Variants in RNF216 observed in about 807,000 individuals in gnomAD.
RNF216 encodes the protein E3 ubiquitin-protein ligase RNF216.
In RNF216, 72 loss-of-function variants were observed where a neutral mutation model predicts 110.8. The ratio of observed to expected loss-of-function variants is 0.65; its 90% CI spans 0.54 to 0.79. RNF216 has a LOEUF of 0.79. RNF216 is among the 30% of genes least tolerant of loss of function. The probability of loss-of-function intolerance (pLI) is 0.00; values close to 1 mark genes in which losing one functional copy is unlikely to be tolerated. For missense variants in RNF216, 1,342 were observed against 1,141.2 expected (o/e 1.18, Z -2.54); for synonymous variants, 495 against 407.5 (o/e 1.21, Z -2.59).
At position 5,622,005 on chromosome 7, in the gene RNF216, C is replaced by T. The variant is rs852437; in HGVS notation, c.*855G>A. The T allele has an allele frequency of 0.021, 3,162 of 152,352 alleles. 45 individuals are homozygous for T. The highest frequency in any genetic ancestry group is 0.037 in the South Asian group (178 of 4,826). 9.4% of individuals were successfully genotyped at this position (152,352 alleles called of 1,614,324 possible). ...TCTCCCTAAGGAGGCCCACTCCTCC[C>T]CCAGAAAGCCAGGGGGGAAAAGCTG... is the stretch of plus-strand genomic sequence containing the variant. On this transcript the variant is annotated 3_prime_UTR_variant, in exon 17 of 17. Coordinates refer to ENST00000389902, the MANE Select transcript of RNF216 (RefSeq NM_207111.4).
At chr7:5,639,809 G>C (rs751197629) in intron 15 of RNF216, among the ~76,000 whole-genome samples, 8 of 151,416 alleles carry the variant, frequency 5.3e-5, no homozygotes, top group Non-Finnish European at 2.9e-5. Flanking sequence ...GCCCAGGCTG[G>C]AGTGCAGTGG....
intron 7 of RNF216, 30 bp from the exon 8 acceptor site, chr7:5,725,468 C>T (rs1164443094): frequency 7.8e-7 from 1 of 1,279,042 alleles, no homozygotes; most frequent in South Asian, 1.2e-5. Flanking sequence ...AAGGTTCCTT[C>T]TGTAAATAGA....
At chr7:5,707,107 A>C (rs1265296503) in intron 13 of RNF216, among the ~76,000 whole-genome samples, 2 of 152,186 alleles carry the variant, frequency 1.3e-5, no homozygotes, top group African/African-American at 4.8e-5. Context: ...TTTATTTCTG[A>C]GCACTGTATT....
At chr7:5,627,280 TCCCTG>T (rs1786769282) in intron 15 of RNF216, among the ~76,000 whole-genome samples, 1 of 152,170 alleles carries the variant, frequency 6.6e-6, no homozygotes, top group African/African-American at 2.4e-5. Flanking sequence ...CCTGAAGGTG[TCCCTG>T]CCCCATACAC....
At chr7:5,709,993 A>G (rs1182642417) in intron 13 of RNF216, among the ~76,000 whole-genome samples, 1 of 152,092 alleles carries the variant, frequency 6.6e-6, no homozygotes, top group Non-Finnish European at 1.5e-5. Context: ...GTCTCAAGAG[A>G]TCCTCCTGCC....
At chr7:5,675,123 T>C (rs1469434574) in intron 13 of RNF216, among the ~76,000 whole-genome samples, 2 of 152,230 alleles carry the variant, frequency 1.3e-5, no homozygotes, top group Non-Finnish European at 2.9e-5. Context: ...GAATTTTTTA[T>C]TTTAAATAAT....
At chr7:5,774,844 C>T (rs1796688945) in intron 1 of RNF216, among the ~76,000 whole-genome samples, 1 of 151,964 alleles carries the variant, frequency 6.6e-6, no homozygotes, top group Non-Finnish European at 1.5e-5. Context: ...CTGCAACATC[C>T]CCTCCAGAGT....
At chr7:5,648,840 A>C (rs1484252040) in intron 14 of RNF216, among the ~76,000 whole-genome samples, 1 of 152,200 alleles carries the variant, frequency 6.6e-6, no homozygotes, top group Admixed American at 6.5e-5. Context: ...CCAATTATCA[A>C]ATGCAATGAA....
chr7:5,755,439 T>C (rs1298797369), intron 2 of RNF216, among the ~76,000 whole-genome samples: 1 of 152,248 alleles, frequency 6.6e-6, no homozygotes, highest in Non-Finnish European at 1.5e-5. Flanking sequence ...AAGGGCCATC[T>C]GTGTATAATC....
Position 5,768,851 on chromosome 7 carries a change from C to CA in RNF216, c.-69-7714dup, listed in dbSNP as rs1796344625. 2.0e-5 allele frequency among the ~76,000 whole-genome samples: 3 copies of CA among 150,990 alleles called. No individual in the cohort carries two copies. The South Asian group carries it at 6.3e-4, about 32-fold the overall frequency. ...TATTTTTTTGTATTTTTAGTAGAGACAGGGTTTCACCATGTTAGCCAGGAT... is the reference window on the plus strand; with the variant it reads ...TATTTTTTTGTATTTTTAGTAGAGACAAGGGTTTCACCATGTTAGCCAGGAT... On this transcript the variant is annotated intron_variant, in intron 1 of 16. Transcript: ENST00000389902.
At position 5,689,934 on chromosome 7, in the gene RNF216, C is replaced by CA. The variant is rs1355642051; in HGVS notation, c.2061+21826dup. 1.1e-3 allele frequency among the ~76,000 whole-genome samples: 135 copies of CA among 122,484 alleles called. No individual in the cohort carries two copies. The Middle Eastern group carries it at 0.014, about 12-fold the overall frequency. The allele number at this position is 122,484 out of a possible 152,430, so 80.4% of individuals were successfully genotyped here. A position where few individuals can be genotyped will look rare whatever the true frequency, so the allele number is the denominator to read the frequency against. The stretch of plus-strand genomic sequence containing the variant: ...CCAGCCTGGGTGACTCTGTCTCAAA[C>CA]AAAAAAAAAAAAAGAACAGAAAAGA... On this transcript the variant is annotated intron_variant, in intron 13 of 16. Transcript: ENST00000389902.
chr7:5,728,118 T>C (rs1391954511), intron 7 of RNF216, among the ~76,000 whole-genome samples: 3 of 152,040 alleles, frequency 2.0e-5, no homozygotes, highest in African/African-American at 7.3e-5. Context: ...TTATACTAGT[T>C]CTCACCCCAA....
chr7:5,628,155 C>T (rs1212648226), intron 15 of RNF216, among the ~76,000 whole-genome samples: 1 of 152,168 alleles, frequency 6.6e-6, no homozygotes, highest in Non-Finnish European at 1.5e-5. Flanking sequence ...ACAGCCACCC[C>T]AGAGCCTTTC....
chr7:5,762,364 A>C (rs539131665), intron 1 of RNF216, among the ~76,000 whole-genome samples: 74 of 152,020 alleles, frequency 4.9e-4, no homozygotes, highest in Non-Finnish European at 9.4e-4. Flanking sequence ...CTCTATTAAA[A>C]ACACACACAC....
intron 13 of RNF216, among the ~76,000 whole-genome samples, chr7:5,665,524 T>G (rs1209002169): frequency 6.6e-6 from 1 of 152,118 alleles, no homozygotes; most frequent in African/African-American, 2.4e-5. Flanking sequence ...CAAATTGGAA[T>G]AGAAGCTTTA....
chr7:5,779,597 T>C (rs527544632), intron 1 of RNF216, among the ~76,000 whole-genome samples: 1 of 150,936 alleles, frequency 6.6e-6, no homozygotes, highest in African/African-American at 2.4e-5. Flanking sequence ...TCTTGTGCTT[T>C]GGGAGGCTGA....
rs1201457707 is a variant in RNF216 at position 5,620,370 on chromosome 7, T to C, written c.*2490A>G. The C allele has an allele frequency of 2.0e-5, 3 of 152,152 alleles. No individual in the cohort carries two copies. Among genetic ancestry groups the C allele is most frequent in the Admixed American group, 2.0e-4 (3 of 15,278 alleles). 9.4% of individuals were successfully genotyped at this position (152,152 alleles called of 1,614,324 possible). On this transcript the variant is annotated 3_prime_UTR_variant, in exon 17 of 17. Transcript: ENST00000389902. ...AGAGAGGGAGCCAGCTGCCTCAGGG[T>C]TGCCTGTTGTCTGACCTGCTCTCTG...
chr7:5,670,796 C>T (rs4415230), intron 13 of RNF216, among the ~76,000 whole-genome samples: 11,373 of 152,246 alleles, frequency 0.075, 483 homozygotes, highest in South Asian at 0.12. Context: ...CCCAAATTCT[C>T]AGTTCCAGTT....
chr7:5,771,950 G>T (rs1796519777), intron 1 of RNF216, among the ~76,000 whole-genome samples: 1 of 152,006 alleles, frequency 6.6e-6, no homozygotes, highest in Non-Finnish European at 1.5e-5. Flanking sequence ...AAAACCACAA[G>T]GGGCCGGGCG....
Sources: gnomAD v4.1 joint callset for allele counts (sites outside exome capture counted in the v4.1 genomes callset) on GRCh38, gnomAD v4.1.1 for gene constraint, MANE v1.5 for transcripts, NCBI Gene and HGNC (gene_info 2026-07-23, HGNC 2026-07-21) for gene names.